The following PRKG1 variants were observed in gnomAD, a reference collection of about 807,000 sequenced individuals.
PRKG1 encodes the protein cGMP-dependent protein kinase 1.
PRKG1 carries 35 observed loss-of-function variants against 88.1 expected under a neutral mutation model. The observed-to-expected ratio is 0.40, with a 90% CI of 0.30 to 0.53. The LOEUF (loss-of-function observed/expected upper bound fraction) is 0.53. Ranked by LOEUF, PRKG1 falls within the 20% of genes least tolerant of loss-of-function variation. PRKG1 has a pLI of 0.59. For synonymous variants in PRKG1, 303 were observed against 292.5 expected, an observed-to-expected ratio of 1.04 and a Z score of -0.37; for missense variants, 540 against 839.8, an observed-to-expected ratio of 0.64 and a Z score of 4.41.
chr10:51,267,229 A>T (rs1007353915), intron 2 of PRKG1, among the ~76,000 whole-genome samples: 21 of 152,216 alleles, frequency 1.4e-4, no homozygotes, highest in Admixed American at 8.5e-4. Context: ...ACACGTAATT[A>T]CATAATCTTA....
At chr10:51,817,356 C>CCG (rs983496630) in intron 4 of PRKG1, among the ~76,000 whole-genome samples, 1 of 148,828 alleles carries the variant, frequency 6.7e-6, no homozygotes, top group Non-Finnish European at 1.5e-5. Flanking sequence ...AACCCCCCCC[C>CCG]TCCCCTGACA....
intron 2 of PRKG1, among the ~76,000 whole-genome samples, chr10:51,354,564 A>G (rs1842324631): frequency 2.6e-5 from 4 of 151,780 alleles, no homozygotes. Context: ...GCTGAATAAT[A>G]CAATACAACA....
rs1838462790 is a variant in PRKG1 at position 51,777,213 on chromosome 10, C to T, written c.593-27372C>T. The stretch of plus-strand genomic sequence containing the variant: ...TTGACAGACACTATTAGGTGATTTA[C>T]AGAAATAATCTTTCATCTTCACAAT... On this transcript the variant is annotated intron_variant, in intron 3 of 17. Coordinates refer to ENST00000373980, the MANE Select transcript of PRKG1 (RefSeq NM_006258.4). Among the ~76,000 whole-genome samples, 5 of 152,174 alleles carry T rather than the reference C, an allele frequency of 3.3e-5. No individual in the cohort carries two copies. In the South Asian group the frequency reaches 8.3e-4, roughly 25 times the overall value.
chr10:52,200,688 G>A (rs1839640941), intron 9 of PRKG1, among the ~76,000 whole-genome samples: 1 of 152,152 alleles, frequency 6.6e-6, no homozygotes, highest in Non-Finnish European at 1.5e-5. Context: ...GCGTGTAAGT[G>A]TTCCCTTTTC....
At chr10:52,273,401 T>C (rs1438970616) in intron 12 of PRKG1, among the ~76,000 whole-genome samples, 1 of 152,090 alleles carries the variant, frequency 6.6e-6, no homozygotes, top group African/African-American at 2.4e-5. Context: ...TCCCAGACTC[T>C]CCTTCACAGG....
At chr10:51,621,007 GTGTATA>G (rs1403785420) in intron 3 of PRKG1, among the ~76,000 whole-genome samples, 33 of 122,164 alleles carry the variant, frequency 2.7e-4, no homozygotes, top group Non-Finnish European at 3.8e-4. Context: ...GTGTATATGT[GTGTATA>G]TATATATATA....
intron 3 of PRKG1, among the ~76,000 whole-genome samples, chr10:51,712,096 G>C (rs191720584): frequency 6.9e-6 from 1 of 144,412 alleles, no homozygotes; most frequent in East Asian, 1.9e-4. Context: ...TGGCAAACAT[G>C]TGTAATTTTA....
intron 3 of PRKG1, among the ~76,000 whole-genome samples, chr10:51,750,028 C>T (rs1489151179): frequency 6.6e-6 from 1 of 151,534 alleles, no homozygotes; most frequent in Non-Finnish European, 1.5e-5. Context: ...CTCTGCCTCC[C>T]AGGTTTAAGC....
intron 2 of PRKG1, among the ~76,000 whole-genome samples, chr10:51,233,179 A>C (rs944090363): frequency 1.3e-5 from 2 of 152,184 alleles, no homozygotes; most frequent in African/African-American, 4.8e-5. Context: ...TAGAAGGAGC[A>C]ATGTTAGGAT....
rs190875774 is a variant in PRKG1, at chr10:52,182,805, G to C, written c.1076+20842G>C. On this transcript the variant is annotated intron_variant, in intron 9 of 17. Transcript: ENST00000373980. Reference sequence around the variant, plus strand: ...TTCCATTGATCTATATCTCTGTTTTGGTACCAGTACCATGCTGTTTTGGTT... The same window carrying C: ...TTCCATTGATCTATATCTCTGTTTTCGTACCAGTACCATGCTGTTTTGGTT... 7.6e-3 allele frequency among the ~76,000 whole-genome samples: 1,146 copies of C among 151,164 alleles called. 18 individuals carry two copies. Among genetic ancestry groups the C allele is most frequent in the African/African-American group, 0.026 (1,087 of 41,058 alleles).
intron 2 of PRKG1, among the ~76,000 whole-genome samples, chr10:51,295,874 T>G (rs1369871143): frequency 6.6e-6 from 1 of 152,212 alleles, no homozygotes; most frequent in African/African-American, 2.4e-5. Flanking sequence ...TTGAGAGTTT[T>G]TATCATGAAA....
chr10:51,548,354 C>T (rs1842492817), intron 3 of PRKG1, among the ~76,000 whole-genome samples: 1 of 152,098 alleles, frequency 6.6e-6, no homozygotes, highest in Non-Finnish European at 1.5e-5. Context: ...GTCCTTATAT[C>T]TGTCTAATAT....
intron 5 of PRKG1, among the ~76,000 whole-genome samples, chr10:52,006,194 G>A (rs900176217): frequency 6.6e-5 from 10 of 152,264 alleles, no homozygotes; most frequent in South Asian, 2.1e-4. Flanking sequence ...GTAAGAACTC[G>A]TTCAACTCTG....
chr10:51,197,537 G>A (rs951051857), intron 2 of PRKG1, among the ~76,000 whole-genome samples: 1 of 152,038 alleles, frequency 6.6e-6, no homozygotes, highest in African/African-American at 2.4e-5. Context: ...GCCTCCCAAA[G>A]TGCTGGGATT....
intron 5 of PRKG1, among the ~76,000 whole-genome samples, chr10:51,983,752 G>A (rs922978878): frequency 3.9e-5 from 6 of 152,294 alleles, no homozygotes; most frequent in African/African-American, 1.4e-4. Context: ...GAGTGTCTGT[G>A]GTGGTTAAGG....
intron 2 of PRKG1, among the ~76,000 whole-genome samples, chr10:51,439,001 ATTTT>A (rs142070764): frequency 5.6e-4 from 71 of 127,860 alleles, no homozygotes; most frequent in Middle Eastern, 3.9e-3. Context: ...ACTAATTGGG[ATTTT>A]TTTTTTTAAA....
intron 3 of PRKG1, among the ~76,000 whole-genome samples, chr10:51,542,336 T>C (rs769599573): frequency 6.6e-6 from 1 of 152,134 alleles, no homozygotes; most frequent in African/African-American, 2.4e-5. Context: ...TTAAGTACTT[T>C]ACGTGCATCC....
intron 3 of PRKG1, among the ~76,000 whole-genome samples, chr10:51,666,043 A>G (rs207470900): frequency 6.6e-6 from 1 of 152,180 alleles, no homozygotes; most frequent in African/African-American, 2.4e-5. Flanking sequence ...TGAGCTTTAA[A>G]TGATCAATAG....
intron 1 of PRKG1, among the ~76,000 whole-genome samples, chr10:51,060,502 G>A (rs1478230396): frequency 6.6e-6 from 1 of 152,058 alleles, no homozygotes; most frequent in Non-Finnish European, 1.5e-5. Flanking sequence ...AGTACAACAT[G>A]TAATACATGC....
Sources: gnomAD v4.1 joint callset for allele counts (sites outside exome capture counted in the v4.1 genomes callset) on GRCh38, gnomAD v4.1.1 for gene constraint, MANE v1.5 for transcripts, NCBI Gene and HGNC (gene_info 2026-07-23, HGNC 2026-07-21) for gene names.